The following SLC9A9 variants were observed in gnomAD, a reference collection of about 807,000 sequenced individuals.
The protein encoded by SLC9A9 is sodium/hydrogen exchanger 9.
A neutral mutation model predicts 77.8 loss-of-function variants in SLC9A9; 62 were observed. That is an observed-to-expected ratio of 0.80 (90% CI 0.65 to 0.98). The LOEUF (loss-of-function observed/expected upper bound fraction) is 0.98, where lower values mean the gene tolerates loss of function less well. SLC9A9 is among the 50% of genes least tolerant of loss of function. The probability of loss-of-function intolerance (pLI) is 0.00; values close to 1 mark genes in which losing one functional copy is unlikely to be tolerated. For synonymous variants in SLC9A9, 320 were observed against 283.5 expected (o/e 1.13, Z -1.29); for missense variants, 775 against 774.9 (o/e 1.00, Z 0.00).
At chr3:143,448,619 C>A (rs967819587) in intron 12 of SLC9A9, among the ~76,000 whole-genome samples, 3 of 151,424 alleles carry the variant, frequency 2.0e-5, no homozygotes, top group Non-Finnish European at 4.4e-5. Flanking sequence ...TGTTGGAAAG[C>A]AATTTGGCAA....
intron 6 of SLC9A9, among the ~76,000 whole-genome samples, chr3:143,605,208 G>T (rs1164556615): frequency 6.6e-6 from 1 of 152,186 alleles, no homozygotes; most frequent in African/African-American, 2.4e-5. Context: ...TTAAAGAAGT[G>T]CCTGAGTGCT....
chr3:143,837,594 T>C (rs1176812905), intron 1 of SLC9A9, among the ~76,000 whole-genome samples: 1 of 152,176 alleles, frequency 6.6e-6, no homozygotes, highest in African/African-American at 2.4e-5. Flanking sequence ...GCCAGCCCAA[T>C]GTCTATCCTT....
chr3:143,296,645 A>C (rs913508814), intron 14 of SLC9A9, among the ~76,000 whole-genome samples: 3 of 152,176 alleles, frequency 2.0e-5, no homozygotes, highest in Admixed American at 1.3e-4. Context: ...TTACATTCTC[A>C]CCAACACTGT....
At chr3:143,547,385 T>A (rs2036807444) in intron 9 of SLC9A9, among the ~76,000 whole-genome samples, 1 of 152,262 alleles carries the variant, frequency 6.6e-6, no homozygotes, top group Non-Finnish European at 1.5e-5. Context: ...CCACTTTGAC[T>A]AATACACATC....
chr3:143,795,615 C>T (rs1192858842), intron 3 of SLC9A9, among the ~76,000 whole-genome samples: 1 of 152,126 alleles, frequency 6.6e-6, no homozygotes, highest in Admixed American at 6.6e-5. Context: ...GCCTGTAATT[C>T]CAGCAATTTG....
At chr3:143,707,851 G>T (rs1340831027) in intron 4 of SLC9A9, among the ~76,000 whole-genome samples, 1 of 152,098 alleles carries the variant, frequency 6.6e-6, no homozygotes, top group Non-Finnish European at 1.5e-5. Flanking sequence ...TGGTCCCAGG[G>T]TCCAGGACCC....
intron 8 of SLC9A9, among the ~76,000 whole-genome samples, chr3:143,565,858 G>A (rs532375138): frequency 6.6e-6 from 1 of 152,200 alleles, no homozygotes; most frequent in Non-Finnish European, 1.5e-5. Flanking sequence ...GTATTTGGAA[G>A]CTAAAACTGG....
At chr3:143,505,776 G>A (rs1455718043) in intron 9 of SLC9A9, among the ~76,000 whole-genome samples, 1 of 152,096 alleles carries the variant, frequency 6.6e-6, no homozygotes, top group Admixed American at 6.5e-5. Flanking sequence ...GTTAATATAG[G>A]ACATAAATGT....
chr3:143,844,842 G>A (rs1474112689), intron 1 of SLC9A9, among the ~76,000 whole-genome samples: 2 of 150,416 alleles, frequency 1.3e-5, no homozygotes, highest in Non-Finnish European at 3.0e-5. Flanking sequence ...GAGTGAAGTG[G>A]CACAATCATA....
At chr3:143,648,206 T>C (rs1024185162) in intron 6 of SLC9A9, among the ~76,000 whole-genome samples, 2 of 152,132 alleles carry the variant, frequency 1.3e-5, no homozygotes, top group Non-Finnish European at 2.9e-5. Flanking sequence ...GAAATTAGCA[T>C]AGGGAGTTTA....
chr3:143,520,266 A>G (rs2036273462), intron 9 of SLC9A9, among the ~76,000 whole-genome samples: 1 of 152,216 alleles, frequency 6.6e-6, no homozygotes, highest in African/African-American at 2.4e-5. Flanking sequence ...GAAGTAATTA[A>G]GTTTGAATGA....
chr3:143,338,880 CCCATGTGTTTTGAAT>C (rs2032006506), intron 14 of SLC9A9, among the ~76,000 whole-genome samples: 1 of 152,136 alleles, frequency 6.6e-6, no homozygotes, highest in African/African-American at 2.4e-5. Context: ...GGGGTTTGAA[CCCATGTGTTTTGAAT>C]CCATGTTCCT....
At chr3:143,571,075 G>A (rs142479779) in intron 8 of SLC9A9, among the ~76,000 whole-genome samples, 34 of 152,192 alleles carry the variant, frequency 2.2e-4, no homozygotes, top group Middle Eastern at 6.8e-3. Flanking sequence ...ATGGGTAGGC[G>A]GCCGAGAGCC....
At chr3:143,668,446 G>A (rs1050627029) in intron 5 of SLC9A9, among the ~76,000 whole-genome samples, 6 of 152,016 alleles carry the variant, frequency 3.9e-5, no homozygotes, top group Non-Finnish European at 5.9e-5. Flanking sequence ...AATCCTGCAC[G>A]TTGTGCACAT....
intron 6 of SLC9A9, among the ~76,000 whole-genome samples, chr3:143,612,313 T>C (rs886355000): frequency 6.6e-6 from 1 of 152,234 alleles, no homozygotes; most frequent in South Asian, 2.1e-4. Flanking sequence ...TGAACTTTCA[T>C]GAGTGCAACC....
chr3:143,837,555 A>C lies in SLC9A9; in HGVS notation c.176-5334T>G, dbSNP rs546472608. Among the ~76,000 whole-genome samples the C allele has an allele frequency of 3.7e-3, 566 of 152,290 alleles. 5 individuals are homozygous for C. Among genetic ancestry groups the C allele is most frequent in the African/African-American group, 0.013 (544 of 41,558 alleles). ...AATATTATATAATATCATATTTCAAACTGGTAAGTGTATCAGGTCCTATTG... is the reference window on the plus strand; with the variant it reads ...AATATTATATAATATCATATTTCAACCTGGTAAGTGTATCAGGTCCTATTG... On this transcript the variant is annotated intron_variant, in intron 1 of 15. Transcript: ENST00000316549.
At chr3:143,499,933 T>C (rs1325660382) in intron 9 of SLC9A9, among the ~76,000 whole-genome samples, 1 of 152,224 alleles carries the variant, frequency 6.6e-6, no homozygotes, top group African/African-American at 2.4e-5. Context: ...CCTTACTTGG[T>C]CATTATATAT....
At chr3:143,841,409 T>C (rs11917171) in intron 1 of SLC9A9, among the ~76,000 whole-genome samples, 2,523 of 152,356 alleles carry the variant, frequency 0.017, 71 homozygotes, top group African/African-American at 0.058. Context: ...AAAGTGCTTA[T>C]AATAGCATAG....
intron 4 of SLC9A9, among the ~76,000 whole-genome samples, chr3:143,733,241 A>G (rs1449726396): frequency 1.3e-5 from 2 of 152,094 alleles, no homozygotes; most frequent in Non-Finnish European, 1.5e-5. Context: ...CCAGGTCACA[A>G]TGCATAAATA....
Sources: allele counts gnomAD v4.1 joint callset (sites outside exome capture counted in the v4.1 genomes callset), GRCh38; gene constraint gnomAD v4.1.1; transcripts MANE v1.5; gene names NCBI Gene and HGNC (gene_info 2026-07-23, HGNC 2026-07-21).